RPS6KA2: variants seen among roughly 807,000 people sequenced by gnomAD.
RPS6KA2 encodes ribosomal protein S6 kinase alpha-2.
In RPS6KA2, 42 loss-of-function variants were observed where a neutral mutation model predicts 91.8. The ratio of observed to expected loss-of-function variants is 0.46; its 90% CI spans 0.36 to 0.59. The LOEUF (loss-of-function observed/expected upper bound fraction) is 0.59. Ranked by LOEUF, RPS6KA2 falls within the 20% of genes least tolerant of loss-of-function variation. RPS6KA2 has a pLI of 0.00. For synonymous variants in RPS6KA2, 414 were observed against 393.6 expected, an observed-to-expected ratio of 1.05 and a Z score of -0.61; for missense variants, 798 against 978.5, an observed-to-expected ratio of 0.82 and a Z score of 2.46.
chr6:166,625,326 C>T lies in RPS6KA2; in HGVS notation c.99+1595G>A, dbSNP rs1478564185. On this transcript the variant is annotated intron_variant, in intron 1 of 20. Coordinates refer to ENST00000265678, the MANE Select transcript of RPS6KA2 (RefSeq NM_021135.6). ...AACCTCGTTTCCTATTCCCACCACC[C>T]CCCCACCCCCCCCCCCGCTTGTTTC... 1.0e-4 allele frequency among the ~76,000 whole-genome samples: 5 copies of T among 49,196 alleles called. No individual in the cohort carries two copies. In the South Asian group the frequency reaches 3.8e-3, roughly 38 times the overall value. The allele number at this position is 49,196 out of a possible 152,430, so 32.3% of individuals were successfully genotyped here. A position where few individuals can be genotyped will look rare whatever the true frequency, so the allele number is the denominator to read the frequency against.
intron 2 of RPS6KA2, among the ~76,000 whole-genome samples, chr6:166,738,391 C>A (rs75879974): frequency 0.03 from 4,565 of 152,094 alleles, 205 homozygotes; most frequent in African/African-American, 0.1. Context: ...GGGGATGGTC[C>A]AGGGAGAAGA....
At chr6:166,799,868 TAC>T (rs1198048449) in intron 2 of RPS6KA2, among the ~76,000 whole-genome samples, 3 of 152,282 alleles carry the variant, frequency 2.0e-5, no homozygotes, top group African/African-American at 7.2e-5. Context: ...CGGAGTAGTG[TAC>T]ACAGCAGCTG....
chr6:166,423,426 C>G lies in RPS6KA2; in HGVS notation c.1582-9G>C. ...AGGTCTCGATGAACAACCTGCAAGA[C>G]AGAAGGCACAGTGCCTACTTGGGGG... On this transcript the variant is annotated splice_polypyrimidine_tract_variant and intron_variant, in intron 16 of 20. Coordinates refer to ENST00000265678, the MANE Select transcript of RPS6KA2 (RefSeq NM_021135.6). The surrounding 1 kb of genome is among the most constrained non-coding windows in gnomAD (Gnocchi z 4.8). 6.2e-7 allele frequency: 1 copy of G among 1,602,752 alleles called. No individual in the cohort carries two copies. The highest frequency in any genetic ancestry group is 8.5e-7 in the Non-Finnish European group (1 of 1,170,862).
At position 166,794,009 on chromosome 6, in the gene RPS6KA2, C is replaced by G. The variant is rs1414416041; in HGVS notation, c.123+64191G>C. Among the ~76,000 whole-genome samples, 146 of 140,570 alleles carry G rather than the reference C, an allele frequency of 1.0e-3. 1 individual carries two copies. Among genetic ancestry groups the G allele is most frequent in the Non-Finnish European group, 1.8e-3 (112 of 63,816 alleles). 92.2% of individuals were successfully genotyped at this position (140,570 alleles called of 152,430 possible). A position where few individuals can be genotyped will look rare whatever the true frequency, so the allele number is the denominator to read the frequency against. On this transcript the variant is annotated intron_variant, in intron 2 of 21. Coordinates refer to the RPS6KA2 transcript ENST00000503859. ...AAAAGACAAAATTGACAAATGGGATCTAATTAAACTAAAGAGCTTCTGCAC... is the reference window on the plus strand; with the variant it reads ...AAAAGACAAAATTGACAAATGGGATGTAATTAAACTAAAGAGCTTCTGCAC...
In RPS6KA2 at chr6:166,533,499, T is replaced by A. The variant is rs1049895155; in HGVS notation, c.217-2186A>T. ...GGGACGCCACATTTCCCCGGCATCC[T>A]GCAGGTAAGTTGGGCAGTGACACCA... is the stretch of plus-strand genomic sequence containing the variant. On this transcript the variant is annotated intron_variant, in intron 2 of 20. Coordinates refer to ENST00000265678, the MANE Select transcript of RPS6KA2 (RefSeq NM_021135.6). The surrounding 1 kb of genome is among the most constrained non-coding windows in gnomAD (Gnocchi z 4.0). Among the ~76,000 whole-genome samples the A allele has an allele frequency of 2.6e-5, 4 of 152,244 alleles. No individual in the cohort carries two copies. The highest frequency in any genetic ancestry group is 9.6e-5 in the African/African-American group (4 of 41,460).
At chr6:166,503,726 A>G (rs538009267) in intron 6 of RPS6KA2, among the ~76,000 whole-genome samples, 1 of 152,236 alleles carries the variant, frequency 6.6e-6, no homozygotes, top group East Asian at 1.9e-4. Flanking sequence ...TAAGTGGATC[A>G]CTCCTAGTTA....
chr6:166,663,273 A>T (rs1253139099), intron 2 of RPS6KA2, among the ~76,000 whole-genome samples: 10 of 152,216 alleles, frequency 6.6e-5, no homozygotes. Context: ...CACTCAGGTC[A>T]GCTTTGCTCT....
chr6:166,557,975 GGTGT>G lies in RPS6KA2; in HGVS notation c.100-19195_100-19192del, dbSNP rs59606557. Among the ~76,000 whole-genome samples the G allele has an allele frequency of 6.6e-6, 1 of 150,894 alleles. No individual in the cohort carries two copies. The highest frequency in any genetic ancestry group is 2.4e-5 in the African/African-American group (1 of 41,070). ...AGAGATGTATATGTATATACAGAGGGGTGTGTGTGTGTGTGTATATATGTATGTG... is the reference window on the plus strand; with the variant it reads ...AGAGATGTATATGTATATACAGAGGGGTGTGTGTGTGTATATATGTATGTG... On this transcript the variant is annotated intron_variant, in intron 1 of 20. Transcript: ENST00000265678. The surrounding 1 kb of genome is among the most constrained non-coding windows in gnomAD (Gnocchi z 4.8).
At chr6:166,436,146 T>C (rs1172439833) in intron 14 of RPS6KA2, among the ~76,000 whole-genome samples, 1 of 152,128 alleles carries the variant, frequency 6.6e-6, no homozygotes, top group Non-Finnish European at 1.5e-5. Context: ...AAAATAGAAT[T>C]ACCCTGACAC....
Position 166,662,982 on chromosome 6 carries a change from AG to A in RPS6KA2, c.124-124199del, listed in dbSNP as rs531786775. On this transcript the variant is annotated intron_variant, in intron 2 of 21. Transcript: ENST00000503859. This position sits in a 1 kb window ranked among gnomAD's most constrained non-coding sequence, Gnocchi z 4.3. ...AGGCGCCATCTGCAAGCAAGAGGAG[AG>A]CCACGGAAGACACCAGCCCCACCAA... Among the ~76,000 whole-genome samples the A allele has an allele frequency of 5.6e-4, 85 of 152,214 alleles. No individual in the cohort carries two copies. Among genetic ancestry groups the A allele is most frequent in the African/African-American group, 2.0e-3 (82 of 41,546 alleles).
intron 2 of RPS6KA2, among the ~76,000 whole-genome samples, chr6:166,846,838 T>C (rs1780618483): frequency 6.6e-6 from 1 of 152,104 alleles, no homozygotes; most frequent in South Asian, 2.1e-4. Flanking sequence ...CTATTCAACA[T>C]AGTACTGGAA....
intron 2 of RPS6KA2, among the ~76,000 whole-genome samples, chr6:166,754,323 AG>A (rs1777933692): frequency 6.6e-6 from 1 of 152,146 alleles, no homozygotes; most frequent in Non-Finnish European, 1.5e-5. Flanking sequence ...ATCCCAAGAG[AG>A]GGGGCCAAGC....
At chr6:166,624,242 A>ATT (rs943410733) in intron 1 of RPS6KA2, among the ~76,000 whole-genome samples, 2 of 152,228 alleles carry the variant, frequency 1.3e-5, no homozygotes, top group African/African-American at 4.8e-5. Flanking sequence ...AATAACAAAA[A>ATT]TTTTCAAAGT....
At chr6:166,788,998 C>A (rs1247131267) in intron 2 of RPS6KA2, among the ~76,000 whole-genome samples, 1 of 152,148 alleles carries the variant, frequency 6.6e-6, no homozygotes, top group Non-Finnish European at 1.5e-5. Context: ...CTAGGGAGTG[C>A]CAGACAGCGG....
At chr6:166,651,530 A>G (rs916915483) in intron 2 of RPS6KA2, among the ~76,000 whole-genome samples, 10 of 152,252 alleles carry the variant, frequency 6.6e-5, no homozygotes, top group African/African-American at 2.4e-4. Flanking sequence ...CTTCACGGGA[A>G]GACAACGGAA....
rs1014328607 is a variant in RPS6KA2, at chr6:166,770,758, C to T, written c.123+87442G>A. On this transcript the variant is annotated intron_variant, in intron 2 of 21. Coordinates refer to the RPS6KA2 transcript ENST00000503859. This position sits in a 1 kb window ranked among gnomAD's most constrained non-coding sequence, Gnocchi z 5.1. ...CCTTGCCTTGCTGGACTCCGGGCACCGTGAAACAACTCAATAAATTGAAAA... is the reference window on the plus strand; with the variant it reads ...CCTTGCCTTGCTGGACTCCGGGCACTGTGAAACAACTCAATAAATTGAAAA... The T allele has an allele frequency of 7.6e-5, 86 of 1,137,896 alleles. No homozygotes were observed. The highest frequency in any genetic ancestry group is 1.1e-4 in the African/African-American group (7 of 64,426). 70.5% of individuals were successfully genotyped at this position (1,137,896 alleles called of 1,614,324 possible). A position where few individuals can be genotyped will look rare whatever the true frequency, so the allele number is the denominator to read the frequency against.
upstream of RPS6KA2, among the ~76,000 whole-genome samples, chr6:166,632,145 T>C (rs1787099278): frequency 6.6e-6 from 1 of 152,090 alleles, no homozygotes; most frequent in South Asian, 2.1e-4. Flanking sequence ...ATAAGTGAGA[T>C]CATGGACATT....
rs1782340950 is a variant in RPS6KA2, at chr6:166,508,423, C to G, written c.380-141G>C. On this transcript the variant is annotated intron_variant, in intron 4 of 20. Transcript: ENST00000265678. The surrounding 1 kb of genome is among the most constrained non-coding windows in gnomAD (Gnocchi z 4.3). ...GAAACGGCAGGACCCCGGCTGGTGA[C>G]CAGCTCAGAGGGGCAGCACCCGGCA... 3.2e-6 allele frequency: 2 copies of G among 627,144 alleles called. No individual in the cohort carries two copies. Among genetic ancestry groups the G allele is most frequent in the African/African-American group, 3.6e-5 (2 of 55,260 alleles). 38.8% of individuals were successfully genotyped at this position (627,144 alleles called of 1,614,324 possible). A position where few individuals can be genotyped will look rare whatever the true frequency, so the allele number is the denominator to read the frequency against.
intron 2 of RPS6KA2, among the ~76,000 whole-genome samples, chr6:166,837,401 C>G (rs1398234462): frequency 6.6e-6 from 1 of 152,236 alleles, no homozygotes; most frequent in Non-Finnish European, 1.5e-5. Context: ...CGGACCCTCT[C>G]AGAGCTCCCA....
Sources: gnomAD v4.1 joint callset for allele counts (sites outside exome capture counted in the v4.1 genomes callset) on GRCh38, gnomAD v4.1.1 for gene constraint, Gnocchi (gnomAD v3.1) non-coding constraint, MANE v1.5 for transcripts, NCBI Gene and HGNC (gene_info 2026-07-23, HGNC 2026-07-21) for gene names.